FAM227B: variants seen among roughly 807,000 people sequenced by gnomAD.
The protein encoded by FAM227B is protein FAM227B.
In FAM227B, 88 loss-of-function variants were observed where a neutral mutation model predicts 73.8. That is an observed-to-expected ratio of 1.19 (90% CI 1.00 to 1.42). The LOEUF (loss-of-function observed/expected upper bound fraction) is 1.42. Ranked by LOEUF, FAM227B falls within the 40% of genes most tolerant of loss-of-function variation. FAM227B has a pLI of 0.00. For synonymous variants in FAM227B, 210 were observed against 190.5 expected (o/e 1.10, Z -0.84); for missense variants, 632 against 590.9 (o/e 1.07, Z -0.72).
At chr15:49,565,978 A>G (rs948714562) in intron 9 of FAM227B, among the ~76,000 whole-genome samples, 1 of 152,234 alleles carries the variant, frequency 6.6e-6, no homozygotes, top group Non-Finnish European at 1.5e-5. Context: ...GGGCCCTCCT[A>G]AAGACATTGG....
intron 5 of FAM227B, among the ~76,000 whole-genome samples, chr15:49,584,017 C>T (rs1027798106): frequency 6.6e-6 from 1 of 152,098 alleles, no homozygotes; most frequent in Non-Finnish European, 1.5e-5. Flanking sequence ...TTCTATGAGG[C>T]CAGCATCATC....
chr15:49,544,393 T>A (rs937141026), intron 9 of FAM227B, among the ~76,000 whole-genome samples: 1 of 152,284 alleles, frequency 6.6e-6, no homozygotes, highest in African/African-American at 2.4e-5. Context: ...TTGTCAGATA[T>A]AGGAGCTTTT....
chr15:49,504,412 ACTT>A lies in FAM227B; in HGVS notation c.1012+3796_1012+3798del, dbSNP rs1243818191. Among the ~76,000 whole-genome samples the A allele has an allele frequency of 7.7e-4, 86 of 111,494 alleles. No homozygotes were observed. The East Asian group carries it at 0.021, about 27-fold the overall frequency. The allele number at this position is 111,494 out of a possible 152,430, so 73.1% of individuals were successfully genotyped here. On this transcript the variant is annotated intron_variant, in intron 11 of 15. Transcript: ENST00000299338. ...GCACGTTGTGCACATGTACCCTAAA[ACTT>A]AAAGTATAATAAAAAAAAAGAAAAG...
intron 10 of FAM227B, among the ~76,000 whole-genome samples, chr15:49,510,826 G>C (rs2058940133): frequency 6.6e-6 from 1 of 151,980 alleles, no homozygotes; most frequent in Non-Finnish European, 1.5e-5. Flanking sequence ...CAAATTGGTT[G>C]GGTCTAGGGT....
chr15:49,506,316 T>C (rs777547954), intron 11 of FAM227B, among the ~76,000 whole-genome samples: 1 of 152,038 alleles, frequency 6.6e-6, no homozygotes, highest in Non-Finnish European at 1.5e-5. Flanking sequence ...TTGTTTTACG[T>C]TTTTGTTTTT....
At chr15:49,504,888 C>T (rs1231683081) in intron 11 of FAM227B, among the ~76,000 whole-genome samples, 1 of 152,128 alleles carries the variant, frequency 6.6e-6, no homozygotes, top group East Asian at 1.9e-4. Flanking sequence ...TGTCATCCCA[C>T]TACTAGATGT....
At chr15:49,575,179 G>C (rs2075370719) in intron 7 of FAM227B, 70 bp from the exon 8 acceptor site, 1 of 824,576 alleles carries the variant, frequency 1.2e-6, no homozygotes, top group African/African-American at 1.8e-5. Context: ...ATGTAAATAG[G>C]CTTTATAAAG....
At chr15:49,601,032 ACT>A (rs1263349331) in intron 3 of FAM227B, among the ~76,000 whole-genome samples, 1 of 137,828 alleles carries the variant, frequency 7.3e-6, no homozygotes, top group Non-Finnish European at 1.6e-5. Context: ...ACAGAGCAAG[ACT>A]CTGTCTCAAA....
intron 11 of FAM227B, among the ~76,000 whole-genome samples, chr15:49,446,332 G>A (rs992532069): frequency 4.0e-5 from 6 of 151,514 alleles, no homozygotes; most frequent in Admixed American, 1.3e-4. Context: ...GAGCACCTTC[G>A]ATGTACAGGT....
intron 15 of FAM227B, chr15:49,329,029 C>T (rs1342496751): frequency 2.5e-5 from 25 of 1,007,288 alleles, no homozygotes; most frequent in South Asian, 4.4e-5. Flanking sequence ...TCTTTTTCTA[C>T]TACTTTTTCT....
At position 49,348,617 on chromosome 15, in the gene FAM227B, T is replaced by G. The variant is rs1013849796; in HGVS notation, c.1272-13121A>C. ...TTTTTGTGGGGCAAATGCATGGTAA[T>G]AGAGTAGGTTTTGTTTACTTTCTCC... On this transcript the variant is annotated intron_variant, in intron 13 of 15. Coordinates refer to ENST00000299338, the MANE Select transcript of FAM227B (RefSeq NM_152647.3). 2.0e-5 allele frequency among the ~76,000 whole-genome samples: 3 copies of G among 152,152 alleles called. No homozygotes were observed. The South Asian group carries it at 6.2e-4, about 32-fold the overall frequency.
chr15:49,341,914 G>T (rs2040787736), intron 13 of FAM227B, among the ~76,000 whole-genome samples: 3 of 152,034 alleles, frequency 2.0e-5, no homozygotes, highest in Admixed American at 1.3e-4. Flanking sequence ...TAAGAGTTTG[G>T]TTTTTTTGAA....
intron 11 of FAM227B, among the ~76,000 whole-genome samples, chr15:49,403,261 C>G (rs2048296870): frequency 6.6e-6 from 1 of 152,166 alleles, no homozygotes; most frequent in Admixed American, 6.5e-5. Flanking sequence ...GTCTTGGTAT[C>G]AGGATGATGC....
chr15:49,367,499 G>T lies in FAM227B; in HGVS notation c.1220C>A (p.Ser407Tyr), dbSNP rs1230382982. The change falls in exon 13 of 16, where the codon TCC becomes TAC. Residue 407 changes from serine (S) to tyrosine (Y), a missense_variant. Coordinates refer to ENST00000299338, the MANE Select transcript of FAM227B (RefSeq NM_152647.3). ...YLKMHELAGI[S>Y]KAPKKTKIKL... ...AATCTTGGTTTTCTTAGGTGCTTTGGAAATACCAGCCAGCTCATGCATCTT... is the reference window on the plus strand; with the variant it reads ...AATCTTGGTTTTCTTAGGTGCTTTGTAAATACCAGCCAGCTCATGCATCTT... 3 of 1,604,018 alleles carry T rather than the reference G, an allele frequency of 1.9e-6. No individual in the cohort carries two copies. Among genetic ancestry groups the T allele is most frequent in the African/African-American group, 1.3e-5 (1 of 74,260 alleles).
At chr15:49,396,597 G>A (rs1423187377) in intron 11 of FAM227B, among the ~76,000 whole-genome samples, 1 of 152,084 alleles carries the variant, frequency 6.6e-6, no homozygotes, top group Non-Finnish European at 1.5e-5. Context: ...AAATGTCCCT[G>A]TCTGACAGCT....
At chr15:49,331,891 C>T (rs767391896) in intron 14 of FAM227B, 42 bp from the exon 15 acceptor site, 19 of 1,168,718 alleles carry the variant, frequency 1.6e-5, no homozygotes, top group Non-Finnish European at 2.3e-5. Flanking sequence ...AACTAATTGT[C>T]CTTATATTGA....
At chr15:49,334,718 C>T (rs1187850393) in intron 14 of FAM227B, among the ~76,000 whole-genome samples, 3 of 152,094 alleles carry the variant, frequency 2.0e-5, no homozygotes, top group South Asian at 2.1e-4. Flanking sequence ...ACTGGTGGTC[C>T]TCCATTTACT....
intron 10 of FAM227B, among the ~76,000 whole-genome samples, chr15:49,524,315 AGGGGC>A (rs2059995960): frequency 6.6e-6 from 1 of 151,226 alleles, no homozygotes; most frequent in East Asian, 2.0e-4. Flanking sequence ...CATAGCTAAA[AGGGGC>A]TCGAGTGGTT....
chr15:49,405,930 T>C (rs2048479451), intron 11 of FAM227B, among the ~76,000 whole-genome samples: 2 of 152,184 alleles, frequency 1.3e-5, no homozygotes, highest in African/African-American at 2.4e-5. Context: ...ATTTCTTTTA[T>C]CCTATGTGAT....
Sources: allele counts gnomAD v4.1 joint callset (sites outside exome capture counted in the v4.1 genomes callset), GRCh38; gene constraint gnomAD v4.1.1; transcripts MANE v1.5; gene names NCBI Gene and HGNC (gene_info 2026-07-23, HGNC 2026-07-21).